The following TMC1 variants were observed in gnomAD, a reference collection of about 807,000 sequenced individuals.
TMC1 encodes the protein transmembrane channel like 1.
TMC1 carries 84 observed loss-of-function variants against 105.8 expected under a neutral mutation model. The observed-to-expected ratio is 0.79, with a 90% CI of 0.67 to 0.95. The LOEUF (loss-of-function observed/expected upper bound fraction) is 0.95. Ranked by LOEUF, TMC1 falls within the 40% of genes least tolerant of loss-of-function variation. The probability of loss-of-function intolerance (pLI) is 0.00; values close to 1 mark genes in which losing one functional copy is unlikely to be tolerated. For synonymous variants in TMC1, 315 were observed against 311.5 expected (o/e 1.01, Z -0.12); for missense variants, 817 against 914.1 (o/e 0.89, Z 1.37).
intron 2 of TMC1, among the ~76,000 whole-genome samples, chr9:72,594,862 T>G (rs955812969): frequency 1.3e-5 from 2 of 150,148 alleles, no homozygotes; most frequent in African/African-American, 2.5e-5. Context: ...CTCTGCTTCT[T>G]CTTCTTCTTT....
intron 10 of TMC1, among the ~76,000 whole-genome samples, chr9:72,749,673 A>G (rs1310547696): frequency 1.3e-5 from 2 of 152,146 alleles, no homozygotes; most frequent in African/African-American, 4.8e-5. Flanking sequence ...AATCAATCCA[A>G]ATTCTCTTGT....
intron 12 of TMC1, among the ~76,000 whole-genome samples, chr9:72,771,025 G>T (rs1827916501): frequency 6.6e-6 from 1 of 152,138 alleles, no homozygotes; most frequent in African/African-American, 2.4e-5. Context: ...GTTTGATATG[G>T]ACACCCCATG....
chr9:72,788,613 A>G (rs1828209745), intron 14 of TMC1, 130 bp downstream of exon 14: 1 of 1,026,098 alleles, frequency 9.7e-7, no homozygotes, highest in South Asian at 1.4e-5. Context: ...TCTGCCTACC[A>G]AGATCTTGCC....
chr9:72,771,262 T>G (rs1827920583), intron 12 of TMC1, among the ~76,000 whole-genome samples: 1 of 152,204 alleles, frequency 6.6e-6, no homozygotes, highest in South Asian at 2.1e-4. Flanking sequence ...TAAGAAAATT[T>G]GCCCCATATT....
At chr9:72,772,597 G>T (rs747927383) in intron 13 of TMC1, 42 bp downstream of exon 13, 48 of 1,611,656 alleles carry the variant, frequency 3.0e-5, no homozygotes, top group Non-Finnish European at 4.0e-5. Flanking sequence ...AATGATTTCT[G>T]GAATCAAATG....
rs115801612 is a variant in TMC1, at chr9:72,654,232, A to G, written c.16+5568A>G. On this transcript the variant is annotated intron_variant, in intron 5 of 23. Coordinates refer to ENST00000297784, the MANE Select transcript of TMC1 (RefSeq NM_138691.3). ...AATTTTGCATTTTCACCAGCAGTGT[A>G]TGAGATTTCCAGTTGATCCTCATCC... Among the ~76,000 whole-genome samples the G allele has an allele frequency of 5.1e-4, 77 of 152,332 alleles. 2 individuals are homozygous for G. The highest frequency in any genetic ancestry group is 1.2e-3 in the African/African-American group (51 of 41,576).
intron 8 of TMC1, among the ~76,000 whole-genome samples, chr9:72,726,729 A>G (rs59874372): frequency 0.11 from 16,253 of 152,256 alleles, 940 homozygotes; most frequent in Non-Finnish European, 0.14. Flanking sequence ...CCAAGAGAAA[A>G]ACTAAAGACT....
At chr9:72,543,952 C>CTTTCTTTCTTTCT (rs376392146) in intron 1 of TMC1, among the ~76,000 whole-genome samples, 2 of 134,374 alleles carry the variant, frequency 1.5e-5, no homozygotes, top group African/African-American at 2.9e-5. Flanking sequence ...TTCTTTCTTT[C>CTTTCTTTCTTTCT]TTTTTTTTTT....
chr9:72,542,833 C>T (rs1400913535), intron 1 of TMC1, among the ~76,000 whole-genome samples: 3 of 151,952 alleles, frequency 2.0e-5, no homozygotes, highest in African/African-American at 7.2e-5. Flanking sequence ...GTGCCTGCCA[C>T]CGCGCCCAGC....
intron 17 of TMC1, among the ~76,000 whole-genome samples, chr9:72,803,417 A>G (rs1261507901): frequency 6.6e-6 from 1 of 152,230 alleles, no homozygotes; most frequent in East Asian, 1.9e-4. Flanking sequence ...CTGTACAGCA[A>G]AAGAAACTCT....
intron 10 of TMC1, among the ~76,000 whole-genome samples, chr9:72,747,459 C>T (rs1827507734): frequency 6.6e-6 from 1 of 152,102 alleles, no homozygotes. Context: ...TAATAATAAA[C>T]AACCAGAAAG....
chr9:72,795,982 A>G (rs1828358508), intron 17 of TMC1, among the ~76,000 whole-genome samples: 1 of 152,142 alleles, frequency 6.6e-6, no homozygotes, highest in African/African-American at 2.4e-5. Flanking sequence ...GAAAACAGAA[A>G]AAAACATGGG....
intron 1 of TMC1, among the ~76,000 whole-genome samples, chr9:72,562,320 C>T (rs1042691333): frequency 3.3e-5 from 5 of 152,152 alleles, no homozygotes; most frequent in Non-Finnish European, 7.4e-5. Context: ...GTAAAACATC[C>T]TATGCTCAGT....
chr9:72,824,923 A>G (rs1828929017), intron 20 of TMC1, among the ~76,000 whole-genome samples: 1 of 152,246 alleles, frequency 6.6e-6, no homozygotes, highest in Non-Finnish European at 1.5e-5. Flanking sequence ...CTATCTGCCT[A>G]GGCATTTGGC....
intron 13 of TMC1, among the ~76,000 whole-genome samples, chr9:72,774,045 G>T (rs1348629165): frequency 6.6e-6 from 1 of 152,056 alleles, no homozygotes; most frequent in Non-Finnish European, 1.5e-5. Flanking sequence ...TATTTTATTA[G>T]GCTATATTAT....
At position 72,710,423 on chromosome 9, in the gene TMC1, T is replaced by C. The variant is rs552125427; in HGVS notation, c.362+9780T>C. ...GTTGACTTTCTGTCTTGATGACCTGTCTAGTGCTGTCAGTGGAGTATTGAA... is the reference window on the plus strand; with the variant it reads ...GTTGACTTTCTGTCTTGATGACCTGCCTAGTGCTGTCAGTGGAGTATTGAA... On this transcript the variant is annotated intron_variant, in intron 8 of 23. Transcript: ENST00000297784. Among the ~76,000 whole-genome samples the C allele has an allele frequency of 2.0e-3, 306 of 152,292 alleles. 2 individuals carry two copies. Among genetic ancestry groups the C allele is most frequent in the African/African-American group, 7.2e-3 (298 of 41,566 alleles).
intron 8 of TMC1, among the ~76,000 whole-genome samples, chr9:72,713,913 A>C (rs1289575244): frequency 6.6e-6 from 1 of 152,062 alleles, no homozygotes; most frequent in African/African-American, 2.4e-5. Context: ...TTAGTGCTAT[A>C]AATTTCCCTC....
chr9:72,547,028 C>T (rs1352305250), intron 1 of TMC1, among the ~76,000 whole-genome samples: 3 of 152,156 alleles, frequency 2.0e-5, no homozygotes, highest in African/African-American at 2.4e-5. Context: ...GGCTCATGCC[C>T]GTAATCCCAG....
chr9:72,669,299 A>AG (rs1826091820), intron 5 of TMC1, among the ~76,000 whole-genome samples: 1 of 151,934 alleles, frequency 6.6e-6, no homozygotes, highest in Non-Finnish European at 1.5e-5. Flanking sequence ...AAAGAGTAAG[A>AG]CTCTATCTAA....
Sources: gnomAD v4.1 joint callset for allele counts (sites outside exome capture counted in the v4.1 genomes callset) on GRCh38, gnomAD v4.1.1 for gene constraint, MANE v1.5 for transcripts, NCBI Gene and HGNC (gene_info 2026-07-23, HGNC 2026-07-21) for gene names.